Variants in ADAMTSL1 observed in about 807,000 individuals in gnomAD.
ADAMTSL1 encodes the protein ADAMTS like 1.
Under a neutral mutation model 201.8 loss-of-function variants are expected in ADAMTSL1, and 126 were observed. That is an observed-to-expected ratio of 0.62 (90% confidence interval 0.54 to 0.72). The LOEUF is 0.72. ADAMTSL1 is among the 30% of genes least tolerant of loss of function. ADAMTSL1 has a pLI of 0.00. For missense variants in ADAMTSL1, 2,679 were observed against 2,277.8 expected, an observed-to-expected ratio of 1.18 and a Z score of -3.59; for synonymous variants, 1,121 against 903.4, an observed-to-expected ratio of 1.24 and a Z score of -4.32.
intron 3 of ADAMTSL1, among the ~76,000 whole-genome samples, chr9:18,542,904 T>C (rs1032951041): frequency 6.6e-6 from 1 of 152,198 alleles, no homozygotes; most frequent in Non-Finnish European, 1.5e-5. Flanking sequence ...CTCCTGATTG[T>C]TTTGCCAAGT....
At chr9:18,558,718 T>C (rs1314721435) in intron 3 of ADAMTSL1, among the ~76,000 whole-genome samples, 2 of 152,234 alleles carry the variant, frequency 1.3e-5, no homozygotes, top group Non-Finnish European at 2.9e-5. Flanking sequence ...TGGCATGATA[T>C]GGTATCTCAT....
intron 3 of ADAMTSL1, among the ~76,000 whole-genome samples, chr9:18,563,407 C>T (rs961807629): frequency 2.0e-5 from 3 of 152,162 alleles, no homozygotes; most frequent in Admixed American, 2.0e-4. Context: ...GGGGCACCCA[C>T]CAGATGCCAG....
intron 23 of ADAMTSL1, among the ~76,000 whole-genome samples, chr9:18,839,266 G>A (rs1256210750): frequency 7.0e-6 from 1 of 142,470 alleles, no homozygotes; most frequent in East Asian, 2.1e-4. Flanking sequence ...TCCCACCTAT[G>A]AGTGAGAACA....
chr9:18,411,517 T>C (rs1343573833), intron 2 of ADAMTSL1, among the ~76,000 whole-genome samples: 2 of 152,188 alleles, frequency 1.3e-5, no homozygotes, highest in Admixed American at 1.3e-4. Context: ...AGATTTTCTA[T>C]GTGAAACAGA....
intron 2 of ADAMTSL1, among the ~76,000 whole-genome samples, chr9:18,528,857 GC>G (rs1441609444): frequency 1.3e-5 from 2 of 151,982 alleles, no homozygotes; most frequent in Non-Finnish European, 1.5e-5. Context: ...TTTGTCTATA[GC>G]TTTTCTCAGA....
At chr9:18,725,733 A>G (rs1359089229) in intron 15 of ADAMTSL1, among the ~76,000 whole-genome samples, 1 of 152,224 alleles carries the variant, frequency 6.6e-6, no homozygotes, top group Non-Finnish European at 1.5e-5. Context: ...CATCTTCTTC[A>G]GTTCTAGTTC....
chr9:18,252,910 A>G (rs192234469), intron 2 of ADAMTSL1, among the ~76,000 whole-genome samples: 9 of 152,362 alleles, frequency 5.9e-5, no homozygotes, highest in Admixed American at 5.9e-4. Flanking sequence ...AGCAAGCAGC[A>G]GGAGATAAAC....
chr9:18,641,368 A>T (rs1052876294), intron 7 of ADAMTSL1, among the ~76,000 whole-genome samples: 1 of 152,052 alleles, frequency 6.6e-6, no homozygotes, highest in Admixed American at 6.6e-5. Flanking sequence ...TAAATAAAGA[A>T]TTTTTGCCAC....
intron 2 of ADAMTSL1, among the ~76,000 whole-genome samples, chr9:18,398,728 C>T (rs772298677): frequency 3.3e-5 from 5 of 152,098 alleles, no homozygotes; most frequent in African/African-American, 1.2e-4. Flanking sequence ...ATCTTATAGG[C>T]TGTTTTAATA....
Position 18,595,034 on chromosome 9 carries a change from G to A in ADAMTSL1, c.474+20768G>A, listed in dbSNP as rs570580499. Among the ~76,000 whole-genome samples the A allele has an allele frequency of 1.2e-3, 181 of 152,256 alleles. 2 individuals are homozygous for A. The highest frequency in any genetic ancestry group is 4.1e-3 in the African/African-American group (172 of 41,554). On this transcript the variant is annotated intron_variant, in intron 4 of 28. Transcript: ENST00000380548. ...AGGTGAAGATGTCTCAGCACTAGAG[G>A]ATGTTCCAAGCCCTATCTTGCCCAC...
intron 20 of ADAMTSL1, among the ~76,000 whole-genome samples, chr9:18,815,784 G>A (rs567813287): frequency 5.8e-4 from 88 of 150,738 alleles, no homozygotes; most frequent in Admixed American, 1.3e-3. Context: ...GGATAAACCC[G>A]GAGGTTATTA....
chr9:18,495,218 C>T (rs192996173), intron 1 of ADAMTSL1, among the ~76,000 whole-genome samples: 6 of 152,230 alleles, frequency 3.9e-5, no homozygotes, highest in East Asian at 1.9e-4. Flanking sequence ...TGCTGACTCA[C>T]GCAGGACTCA....
chr9:18,405,950 G>C (rs112199935), intron 2 of ADAMTSL1, among the ~76,000 whole-genome samples: 65 of 152,270 alleles, frequency 4.3e-4, no homozygotes, highest in African/African-American at 1.5e-3. Context: ...CTATAGATAA[G>C]TTACCCACAT....
rs117947589 is a variant in ADAMTSL1, at chr9:18,858,316, C to G, written c.4249+28339C>G. Among the ~76,000 whole-genome samples, 518 of 152,232 alleles carry G rather than the reference C, an allele frequency of 3.4e-3. 1 individual carries two copies. Among genetic ancestry groups the G allele is most frequent in the Non-Finnish European group, 5.4e-3 (364 of 68,004 alleles). ...CCCCCACCCCCACACAGATGCTGTC[C>G]TCGCCTCACTCAGGTTCTACATCCC... On this transcript the variant is annotated intron_variant, in intron 23 of 28. Transcript: ENST00000380548.
intron 20 of ADAMTSL1, among the ~76,000 whole-genome samples, chr9:18,807,028 T>A (rs1032441211): frequency 6.6e-6 from 1 of 152,218 alleles, no homozygotes; most frequent in Non-Finnish European, 1.5e-5. Context: ...GTGGGTACAA[T>A]GAGGTCTGAA....
chr9:18,321,427 G>A (rs530027520), intron 2 of ADAMTSL1, among the ~76,000 whole-genome samples: 23 of 152,272 alleles, frequency 1.5e-4, no homozygotes, highest in African/African-American at 4.8e-4. Flanking sequence ...GCAAGGATAC[G>A]TAAGATTTTA....
At chr9:18,807,625 G>A (rs1823234010) in intron 20 of ADAMTSL1, among the ~76,000 whole-genome samples, 2 of 141,884 alleles carry the variant, frequency 1.4e-5, no homozygotes, top group Admixed American at 7.4e-5. Context: ...CAGCCAGGGC[G>A]ACAGAGCGAG....
In ADAMTSL1 at chr9:18,681,705, G is replaced by GGA; in HGVS notation, c.1342-106_1342-105insAG. 6 of 721,092 alleles carry GGA rather than the reference G, an allele frequency of 8.3e-6. 1 individual carries two copies. In the Middle Eastern group the frequency reaches 1.8e-3, roughly 222 times the overall value. The allele number at this position is 721,092 out of a possible 1,614,324, so 44.7% of individuals were successfully genotyped here. A position where few individuals can be genotyped will look rare whatever the true frequency, so the allele number is the denominator to read the frequency against. The stretch of plus-strand genomic sequence containing the variant: ...TACCAGGAGTCCTCGTGTGGGGGGG[G>GGA]GGGGCGGGGAAAAAGAAAACTTAGA... On this transcript the variant is annotated intron_variant, in intron 11 of 28. Transcript: ENST00000380548.
At chr9:18,755,739 G>C (rs542231712) in intron 16 of ADAMTSL1, among the ~76,000 whole-genome samples, 1 of 152,060 alleles carries the variant, frequency 6.6e-6, no homozygotes, top group Non-Finnish European at 1.5e-5. Context: ...GGCCTGCGAA[G>C]ATATGAATTT....
Sources: allele counts gnomAD v4.1 joint callset (sites outside exome capture counted in the v4.1 genomes callset), GRCh38; gene constraint gnomAD v4.1.1; transcripts MANE v1.5; gene names NCBI Gene and HGNC (gene_info 2026-07-23, HGNC 2026-07-21).